Variants in ACIN1 observed in about 807,000 individuals in gnomAD.
The protein encoded by ACIN1 is apoptotic chromatin condensation inducer in the nucleus.
In ACIN1, 16 loss-of-function variants were observed where a neutral mutation model predicts 146.6. The observed-to-expected ratio is 0.11, with a 90% CI of 0.07 to 0.17. The LOEUF (loss-of-function observed/expected upper bound fraction) is 0.17, where lower values mean the gene tolerates loss of function less well. ACIN1 is among the 10% of genes least tolerant of loss of function. ACIN1 has a pLI of 1.00. For synonymous variants in ACIN1, 569 were observed against 582.7 expected (o/e 0.98, Z 0.34); for missense variants, 1,357 against 1,609.3 (o/e 0.84, Z 2.68).
At chr14:23,082,326 C>CT (rs920610393) in intron 4 of ACIN1, among the ~76,000 whole-genome samples, 30 of 151,864 alleles carry the variant, frequency 2.0e-4, no homozygotes, top group African/African-American at 6.8e-4. Flanking sequence ...GAAATAAATA[C>CT]TTAGAGGAAT....
At chr14:23,060,938 GA>G in intron 18 of ACIN1, 145 bp downstream of exon 18, 1 of 732,900 alleles carries the variant, frequency 1.4e-6, no homozygotes, top group Non-Finnish European at 2.3e-6. Context: ...CCAATTAACT[GA>G]AAACTGCCTT....
At chr14:23,071,575 C>T (rs1205126475) in intron 8 of ACIN1, 4 of 1,544,712 alleles carry the variant, frequency 2.6e-6, no homozygotes, top group Non-Finnish European at 3.5e-6. Flanking sequence ...TACCCAGCAG[C>T]CTGTGTGTGC....
chr14:23,082,491 G>C (rs1947287881), intron 4 of ACIN1, among the ~76,000 whole-genome samples: 1 of 143,634 alleles, frequency 7.0e-6, no homozygotes, highest in Admixed American at 7.1e-5. Context: ...TGTCACCCAG[G>C]CTGGATGCAG....
chr14:23,070,767 G>A (rs901966394), intron 8 of ACIN1, among the ~76,000 whole-genome samples: 3 of 152,128 alleles, frequency 2.0e-5, no homozygotes, highest in Non-Finnish European at 4.4e-5. Flanking sequence ...CAGGCTGACT[G>A]ACTGACACTC....
At chr14:23,071,636 G>C in intron 8 of ACIN1, 82 of 1,351,402 alleles carry the variant, frequency 6.1e-5, no homozygotes, top group Non-Finnish European at 7.9e-5. Flanking sequence ...AAAGAGGGAG[G>C]GAGCTGAGTG....
chr14:23,059,963 T>G (rs965571403), intron 18 of ACIN1, among the ~76,000 whole-genome samples: 5 of 144,414 alleles, frequency 3.5e-5, no homozygotes, highest in African/African-American at 1.3e-4. Flanking sequence ...CCAGTTTTTT[T>G]TTTTTTTTTT....
Position 23,058,844 on chromosome 14 carries a change from A to G in ACIN1, c.*304T>C. The G allele has an allele frequency of 2.3e-6, 1 of 430,720 alleles. No individual in the cohort carries two copies. 26.7% of individuals were successfully genotyped at this position (430,720 alleles called of 1,614,324 possible). ...GAGGTGGTAAGCAGGATGGAGGAAAAATCAGAGGACTGGGGCACCTGGCTG... is the reference window on the plus strand; with the variant it reads ...GAGGTGGTAAGCAGGATGGAGGAAAGATCAGAGGACTGGGGCACCTGGCTG... On this transcript the variant is annotated 3_prime_UTR_variant, in exon 19 of 19. Coordinates refer to ENST00000605057, the MANE Select transcript of ACIN1 (RefSeq NM_001386863.1).
intron 18 of ACIN1, among the ~76,000 whole-genome samples, chr14:23,060,290 A>T (rs1161637171): frequency 6.6e-6 from 1 of 151,852 alleles, no homozygotes; most frequent in Non-Finnish European, 1.5e-5. Context: ...ACTTTTACAC[A>T]CATTGACAGG....
chr14:23,070,210 T>A (rs963310028), intron 8 of ACIN1, among the ~76,000 whole-genome samples: 1 of 1,070 alleles, frequency 9.3e-4, no homozygotes, highest in African/African-American at 4.3e-3. Context: ...GGGTGGGGGG[T>A]GCGGGGCGGG....
chr14:23,072,513 A>C (rs1468205067), intron 8 of ACIN1, among the ~76,000 whole-genome samples: 1 of 152,156 alleles, frequency 6.6e-6, no homozygotes, highest in Non-Finnish European at 1.5e-5. Context: ...TAATCATGGG[A>C]ATCTTCACTA....
At chr14:23,065,364 G>C (rs2047419783) in intron 10 of ACIN1, among the ~76,000 whole-genome samples, 1 of 152,202 alleles carries the variant, frequency 6.6e-6, no homozygotes, top group Non-Finnish European at 1.5e-5. Context: ...AAGGCAGGCG[G>C]ATCACAAGGT....
At chr14:23,082,907 T>C (rs1182501856) in intron 4 of ACIN1, among the ~76,000 whole-genome samples, 1 of 151,718 alleles carries the variant, frequency 6.6e-6, no homozygotes, top group African/African-American at 2.4e-5. Context: ...ACCTGGCTAA[T>C]TTCGGTATTT....
chr14:23,090,388 T>C (rs2048200166), intron 3 of ACIN1, 134 bp downstream of exon 3: 4 of 863,054 alleles, frequency 4.6e-6, no homozygotes, highest in African/African-American at 1.7e-5. Context: ...CTTGGCTTCA[T>C]GGGCTATGAA....
rs555586702 is a variant in ACIN1, at chr14:23,079,585, G to GTGAACT, written c.1749_1750insAGTTCA (p.Ser583_Arg584insSerSer). ...CTTGATGCTGAACGAGAACGTGAAC[G>GTGAACT]TGACCTTGATCTGGACTCTGATGTT... On this transcript the variant is annotated inframe_insertion, in exon 6 of 19. Transcript: ENST00000605057. 1 of 1,614,134 alleles carries GTGAACT rather than the reference G, an allele frequency of 6.2e-7. No individual in the cohort carries two copies. Among genetic ancestry groups the GTGAACT allele is most frequent in the African/African-American group, 1.3e-5 (1 of 75,022 alleles).
intron 5 of ACIN1, 23 bp from the exon 6 acceptor site, chr14:23,080,832 G>A (rs1445548338): frequency 6.4e-7 from 1 of 1,565,420 alleles, no homozygotes; most frequent in African/African-American, 1.4e-5. Context: ...ATACACAATG[G>A]CTCCAAATGT....
Position 23,080,223 on chromosome 14 carries a change from T to A in ACIN1, c.1112A>T (p.His371Leu), listed in dbSNP as rs1566749761. The A allele has an allele frequency of 6.2e-7, 1 of 1,614,006 alleles. No individual in the cohort carries two copies. The highest frequency in any genetic ancestry group is 8.5e-7 in the Non-Finnish European group (1 of 1,179,986). ...LTKEASSPPPHPQLHSEEEIE... is the reference protein window; with the variant it reads ...LTKEASSPPPLPQLHSEEEIE... Reference sequence around the variant, plus strand: ...TTCTTCTTCGCTATGGAGCTGTGGATGAGGTGGTGGAGAAGATGCTTCCTT... The same window carrying A: ...TTCTTCTTCGCTATGGAGCTGTGGAAGAGGTGGTGGAGAAGATGCTTCCTT... The change falls in exon 6 of 19, where the codon CAT (histidine) becomes CTT (leucine). Residue 371 changes from histidine to leucine, a missense_variant. By Grantham distance (99) the His-to-Leu change is moderately conservative. This residue lies in a region of ACIN1 where 771 missense variants were observed against 746.6 expected (regional missense o/e 1.03). Coordinates refer to ENST00000605057, the MANE Select transcript of ACIN1 (RefSeq NM_001386863.1).
At chr14:23,071,178 T>A in intron 8 of ACIN1, 1 of 1,546,070 alleles carries the variant, frequency 6.5e-7, no homozygotes, top group Non-Finnish European at 8.7e-7. Context: ...AAGTGCTGTT[T>A]ATCCCTTTCT....
intron 3 of ACIN1, 117 bp from the exon 4 acceptor site, chr14:23,090,218 A>C (rs2048194552): frequency 1.4e-6 from 2 of 1,382,588 alleles, no homozygotes; most frequent in Non-Finnish European, 1.9e-6. Context: ...CATACCAAAA[A>C]GAGCACCGTA....
chr14:23,075,781 C>G (rs1266424754), intron 8 of ACIN1, among the ~76,000 whole-genome samples: 2 of 151,868 alleles, frequency 1.3e-5, no homozygotes, highest in South Asian at 4.2e-4. Flanking sequence ...CTCAGCTCAC[C>G]GCACCTTCCG....
Sources: gnomAD v4.1 joint callset for allele counts (sites outside exome capture counted in the v4.1 genomes callset) on GRCh38, gnomAD v4.1.1 for gene constraint, gnomAD v4.1.1 regional missense constraint, MANE v1.5 for transcripts, NCBI Gene and HGNC (gene_info 2026-07-23, HGNC 2026-07-21) for gene names.